The following PCDHGA5 variants were observed in gnomAD, a reference collection of about 807,000 sequenced individuals.
PCDHGA5 encodes the protein protocadherin gamma-A5.
In PCDHGA5, 36 loss-of-function variants were observed where a neutral mutation model predicts 56.7. The observed-to-expected ratio is 0.64, with a 90% CI of 0.49 to 0.84. The LOEUF (loss-of-function observed/expected upper bound fraction) is 0.84, where lower values mean the gene tolerates loss of function less well. Ranked by LOEUF, PCDHGA5 falls within the 40% of genes least tolerant of loss-of-function variation. PCDHGA5 has a pLI of 0.00. For missense variants in PCDHGA5, 1,305 were observed against 1,201.5 expected (o/e 1.09, Z -1.27); for synonymous variants, 563 against 520.2 (o/e 1.08, Z -1.12).
intron 1 of PCDHGA5, chr5:141,419,815 A>T: frequency 6.2e-7 from 1 of 1,613,988 alleles, no homozygotes. Context: ...GAGGACAGCC[A>T]CCCCTTTCAG....
intron 1 of PCDHGA5, among the ~76,000 whole-genome samples, chr5:141,462,574 C>T (rs1308899602): frequency 2.0e-5 from 3 of 152,036 alleles, no homozygotes; most frequent in Non-Finnish European, 4.4e-5. Context: ...TTGCTAATCC[C>T]ATCCAGTGAA....
chr5:141,410,155 G>T, intron 1 of PCDHGA5: 1 of 1,612,898 alleles, frequency 6.2e-7, no homozygotes. Context: ...ACGGTGGACA[G>T]CCGCCACTCT....
At chr5:141,421,352 A>T in intron 1 of PCDHGA5, 1 of 1,613,946 alleles carries the variant, frequency 6.2e-7, no homozygotes, top group Non-Finnish European at 8.5e-7. Context: ...GAGACCGAAA[A>T]GGGCTCCTTC....
Position 141,364,594 on chromosome 5 carries a change from C to G in PCDHGA5, c.264C>G (p.Gly88=). ...GAAGCGGCAGCTTGGTCACCGCGGG[C>G]AGGATAGACCGGGAGGAGCTCTGCG... ...NPRSGSLVTA[G]RIDREELCAQ... Residue 88 remains glycine, a synonymous_variant, in exon 1 of 4, where the codon GGC becomes GGG. Transcript: ENST00000518069. 6.2e-7 allele frequency: 1 copy of G among 1,614,188 alleles called. No individual in the cohort carries two copies. The highest frequency in any genetic ancestry group is 8.5e-7 in the Non-Finnish European group (1 of 1,179,994).
Position 141,421,937 on chromosome 5 carries a change from A to G in PCDHGA5, c.2421+55186A>G, listed in dbSNP as rs375878901. The G allele has an allele frequency of 1.5e-5, 25 of 1,613,402 alleles. No homozygotes were observed. In the African/African-American group the frequency reaches 1.6e-4, roughly 10 times the overall value. ...ATTCGTGTGGTGGTCCTCGATGTAA[A>G]TGATCACATCCCAATGTTTACACAG... On this transcript the variant is annotated intron_variant, in intron 1 of 3. Coordinates refer to ENST00000518069, the MANE Select transcript of PCDHGA5 (RefSeq NM_018918.3).
chr5:141,408,869 A>T, intron 1 of PCDHGA5: 1 of 1,613,690 alleles, frequency 6.2e-7, no homozygotes, highest in Non-Finnish European at 8.5e-7. Flanking sequence ...CCCACCAAGA[A>T]GTGCCACCGC....
chr5:141,393,535 T>G, intron 1 of PCDHGA5: 1 of 1,613,888 alleles, frequency 6.2e-7, no homozygotes, highest in Non-Finnish European at 8.5e-7. Context: ...AATGCCCCGG[T>G]TTTTCCTCAC....
intron 1 of PCDHGA5, among the ~76,000 whole-genome samples, chr5:141,449,588 CAAAAAAAA>C (rs768743917): frequency 1.7e-5 from 1 of 57,492 alleles, no homozygotes; most frequent in South Asian, 6.3e-4. Context: ...GACTCTGTCT[CAAAAAAAA>C]AAAAAAAAAA....
chr5:141,488,131 G>A (rs2099672034), intron 1 of PCDHGA5, among the ~76,000 whole-genome samples: 1 of 152,202 alleles, frequency 6.6e-6, no homozygotes, highest in Non-Finnish European at 1.5e-5. Context: ...GCAGAAAGAG[G>A]AGAGAACTAA....
rs2099691833 is a variant in PCDHGA5, at chr5:141,489,761, C to A, written c.2422-5046C>A. 8.1e-6 allele frequency: 13 copies of A among 1,614,102 alleles called. No individual in the cohort carries two copies. The highest frequency in any genetic ancestry group is 1.1e-5 in the Non-Finnish European group (13 of 1,179,962). ...ACTGTGAGCTTTTACACTCTAAGCCCCAACAGCCACTTCTCTCTGAATGTG... is the reference window on the plus strand; with the variant it reads ...ACTGTGAGCTTTTACACTCTAAGCCACAACAGCCACTTCTCTCTGAATGTG... On this transcript the variant is annotated intron_variant, in intron 1 of 3. Coordinates refer to ENST00000518069, the MANE Select transcript of PCDHGA5 (RefSeq NM_018918.3). The surrounding 1 kb of genome is among the most constrained non-coding windows in gnomAD (Gnocchi z 4.5).
chr5:141,385,665 A>G (rs2090316911), intron 1 of PCDHGA5: 1 of 462,016 alleles, frequency 2.2e-6, no homozygotes, highest in Admixed American at 5.1e-5. Flanking sequence ...AGCAGGAATA[A>G]AACACACCTC....
At position 141,422,424 on chromosome 5, in the gene PCDHGA5, T is replaced by C. The variant is rs1182660567; in HGVS notation, c.2421+55673T>C. The C allele has an allele frequency of 2.5e-6, 4 of 1,608,076 alleles. No homozygotes were observed. The East Asian group carries it at 6.7e-5, about 27-fold the overall frequency. On this transcript the variant is annotated intron_variant, in intron 1 of 3. Transcript: ENST00000518069. ...TGCCTTTTAAATTAGAAAAGACTTA[T>C]GGAAATTATTACAAATTGATAACAA...
chr5:141,457,422 TC>T (rs1038085994), intron 1 of PCDHGA5, among the ~76,000 whole-genome samples: 1 of 151,626 alleles, frequency 6.6e-6, no homozygotes, highest in African/African-American at 2.4e-5. Context: ...CATCCCTTTT[TC>T]CCCCCCACCA....
rs1340974686 is a variant in PCDHGA5, at chr5:141,477,604, C to T, written c.2422-17203C>T. The T allele has an allele frequency of 6.2e-7, 1 of 1,614,084 alleles. No individual in the cohort carries two copies. Among genetic ancestry groups the T allele is most frequent in the Non-Finnish European group, 8.5e-7 (1 of 1,180,054 alleles). ...AGAATGCTCGGCTTTCTTTCTTTCT[C>T]TTGGAGCAAGGAGCTGAAACCGGGC... On this transcript the variant is annotated intron_variant, in intron 1 of 3. Coordinates refer to ENST00000518069, the MANE Select transcript of PCDHGA5 (RefSeq NM_018918.3). The surrounding 1 kb of genome is among the most constrained non-coding windows in gnomAD (Gnocchi z 4.9).
chr5:141,372,593 CA>C, intron 1 of PCDHGA5: 1 of 1,614,030 alleles, frequency 6.2e-7, no homozygotes, highest in South Asian at 1.1e-5. Flanking sequence ...GTGTCTGCTT[CA>C]AGACTGTACC....
Position 141,364,209 on chromosome 5 carries a change from C to G in PCDHGA5, c.-122C>G. On this transcript the variant is annotated 5_prime_UTR_variant, in exon 1 of 4. Transcript: ENST00000518069. ...ACTAAACACACAGACCAGACAAGCT[C>G]CTACGAAAAGCCAACGCTCCACGCC... The G allele has an allele frequency of 8.2e-7, 1 of 1,214,680 alleles. No individual in the cohort carries two copies. The highest frequency in any genetic ancestry group is 2.6e-5 in the East Asian group (1 of 37,988). The allele number at this position is 1,214,680 out of a possible 1,614,324, so 75.2% of individuals were successfully genotyped here. A position where few individuals can be genotyped will look rare whatever the true frequency, so the allele number is the denominator to read the frequency against.
chr5:141,500,365 C>T (rs888624200), intron 2 of PCDHGA5, among the ~76,000 whole-genome samples: 5 of 151,956 alleles, frequency 3.3e-5, no homozygotes, highest in South Asian at 2.1e-4. Flanking sequence ...CCCACTACCA[C>T]GCCCGGCTAA....
intron 1 of PCDHGA5, chr5:141,372,449 G>A (rs777753711): frequency 2.5e-6 from 4 of 1,614,064 alleles, no homozygotes; most frequent in African/African-American, 1.3e-5. Context: ...CTGACCCTCA[G>A]GCGGAGCTAC....
At position 141,364,968 on chromosome 5, in the gene PCDHGA5, C is replaced by T. The variant is rs368689829; in HGVS notation, c.638C>T (p.Thr213Ile). The change falls in exon 1 of 4, where the codon ACA (threonine) becomes ATA (isoleucine). Residue 213 changes from threonine to isoleucine, a missense_variant. Physicochemically the swap from Thr to Ile is moderately conservative, Grantham distance 89. Transcript: ENST00000518069. ...GAGACTGTTCACGACCTCCTCCTCA[C>T]AGCTTTAGATGGCGGAGACCCGGTA... ...EKETVHDLLL[T>I]ALDGGDPVLS... 166 of 1,613,836 alleles carry T rather than the reference C, an allele frequency of 1.0e-4. No homozygotes were observed. Among genetic ancestry groups the T allele is most frequent in the Non-Finnish European group, 1.4e-4 (162 of 1,179,906 alleles).
Sources: gnomAD v4.1 joint callset for allele counts (sites outside exome capture counted in the v4.1 genomes callset) on GRCh38, gnomAD v4.1.1 for gene constraint, Gnocchi (gnomAD v3.1) non-coding constraint, MANE v1.5 for transcripts, NCBI Gene and HGNC (gene_info 2026-07-23, HGNC 2026-07-21) for gene names.